BHMT: variants seen among roughly 807,000 people sequenced by gnomAD.
The protein encoded by BHMT is betaine--homocysteine S-methyltransferase.
Under a neutral mutation model 49.5 loss-of-function variants are expected in BHMT, and 38 were observed. That is an observed-to-expected ratio of 0.77 (90% confidence interval 0.59 to 1.01). The LOEUF is 1.01. BHMT is among the 50% of genes least tolerant of loss of function. The probability of loss-of-function intolerance (pLI) is 0.00; values close to 1 mark genes in which losing one functional copy is unlikely to be tolerated. For missense variants in BHMT, 426 were observed against 495.7 expected (o/e 0.86, Z 1.34); for synonymous variants, 166 against 176.3 (o/e 0.94, Z 0.46).
chr5:79,111,889 C>A lies in BHMT; in HGVS notation c.4C>A (p.Pro2Thr), dbSNP rs368937011. 2.8e-5 allele frequency: 45 copies of A among 1,611,760 alleles called. No homozygotes were observed. The highest frequency in any genetic ancestry group is 3.6e-5 in the Non-Finnish European group (43 of 1,179,008). M[P>T]PVGGKKAKKG... is the part of the protein sequence containing the mutation. ...CACCTGTCTGGACACCACGAAGATG[C>A]CACCCGTTGGGGGCAAAAAGGCCAA... Residue 2 changes from proline (P) to threonine (T), a missense_variant, in exon 1 of 8, where the codon CCA (proline) becomes ACA (threonine). Transcript: ENST00000274353.
intron 2 of BHMT, among the ~76,000 whole-genome samples, chr5:79,118,462 A>G (rs1010091783): frequency 6.6e-6 from 1 of 152,054 alleles, no homozygotes; most frequent in Admixed American, 6.5e-5. Flanking sequence ...ATGAGACTCC[A>G]TCTCAAAAAA....
intron 7 of BHMT, among the ~76,000 whole-genome samples, chr5:79,129,837 C>T (rs1291326369): frequency 2.6e-5 from 4 of 152,020 alleles, no homozygotes; most frequent in African/African-American, 4.8e-5. Context: ...GTACTCCTAT[C>T]CCAAATTTTC....
At chr5:79,129,518 T>A (rs1039303527) in intron 7 of BHMT, among the ~76,000 whole-genome samples, 10 of 152,298 alleles carry the variant, frequency 6.6e-5, no homozygotes, top group Admixed American at 5.9e-4. Context: ...TCTTTATTCA[T>A]GCTCAGGAGT....
chr5:79,122,374 C>T (rs1405617749), intron 5 of BHMT, among the ~76,000 whole-genome samples: 2 of 152,068 alleles, frequency 1.3e-5, no homozygotes, highest in Admixed American at 6.6e-5. Flanking sequence ...TTTTCATGGA[C>T]CAAACCTTGG....
In BHMT at chr5:79,131,402, T is replaced by G. The variant is rs951515003; in HGVS notation, c.*286T>G. The G allele has an allele frequency of 1.5e-5, 4 of 263,990 alleles. No homozygotes were observed. Among genetic ancestry groups the G allele is most frequent in the Non-Finnish European group, 2.9e-5 (4 of 140,160 alleles). The allele number at this position is 263,990 out of a possible 1,614,324, so 16.4% of individuals were successfully genotyped here. On this transcript the variant is annotated 3_prime_UTR_variant, in exon 8 of 8. Transcript: ENST00000274353. ...ATCACTGCTGCACAGGAAAAGTAAT[T>G]CAGATGTTAATGCCACTTGAAGAAG...
At chr5:79,114,268 T>C (rs1213384631) in intron 1 of BHMT, among the ~76,000 whole-genome samples, 1 of 152,148 alleles carries the variant, frequency 6.6e-6, no homozygotes, top group Non-Finnish European at 1.5e-5. Flanking sequence ...TGTTATCTTA[T>C]GGGCTCCCAT....
intron 1 of BHMT, 68 bp downstream of exon 1, chr5:79,111,986 G>T (rs1486042375): frequency 4.8e-6 from 7 of 1,466,964 alleles, no homozygotes; most frequent in Non-Finnish European, 6.4e-6. Flanking sequence ...CAGCCTCTGG[G>T]AGCGCAGAGG....
chr5:79,118,206 C>G (rs756232828), intron 2 of BHMT, among the ~76,000 whole-genome samples: 1 of 152,182 alleles, frequency 6.6e-6, no homozygotes, highest in African/African-American at 2.4e-5. Flanking sequence ...GGCCTCACGC[C>G]TGTAATCCTA....
chr5:79,115,661 T>TA, intron 1 of BHMT, 106 bp from the exon 2 acceptor site: 1 of 1,316,356 alleles, frequency 7.6e-7, no homozygotes, highest in South Asian at 1.8e-5. Flanking sequence ...CTGAAAATTC[T>TA]AAAATAACCA....
chr5:79,123,530 T>G (rs1404425950), intron 5 of BHMT, among the ~76,000 whole-genome samples: 1 of 85,640 alleles, frequency 1.2e-5, no homozygotes, highest in Non-Finnish European at 2.6e-5. Context: ...GTTGGTTGGT[T>G]GGTTGGTTGG....
chr5:79,131,998 G>A lies in BHMT; in HGVS notation c.*882G>A, dbSNP rs1756650005. The stretch of plus-strand genomic sequence containing the variant: ...TCTGGGCCATAAGGCTGAGCAGAGT[G>A]AGCTTGTATTAGTTGGTAGCTTTTA... On this transcript the variant is annotated 3_prime_UTR_variant, in exon 8 of 8. Transcript: ENST00000274353. 6.6e-6 allele frequency: 1 copy of A among 152,192 alleles called. No individual in the cohort carries two copies. Among genetic ancestry groups the A allele is most frequent in the South Asian group, 2.1e-4 (1 of 4,818 alleles). The allele number at this position is 152,192 out of a possible 1,614,324, so 9.4% of individuals were successfully genotyped here.
At chr5:79,123,411 ATCAC>A (rs1756501775) in intron 5 of BHMT, among the ~76,000 whole-genome samples, 1 of 152,224 alleles carries the variant, frequency 6.6e-6, no homozygotes, top group Admixed American at 6.5e-5. Flanking sequence ...GGGGTCACTC[ATCAC>A]TCATGCTGCA....
intron 7 of BHMT, among the ~76,000 whole-genome samples, chr5:79,128,626 CA>C (rs1756591830): frequency 6.6e-6 from 1 of 151,222 alleles, no homozygotes; most frequent in African/African-American, 2.4e-5. Context: ...GTGTGGTGCA[CA>C]ATACTCTTAA....
rs533400770 is a variant in BHMT, at chr5:79,131,224, C to T, written c.*108C>T. ...GTGCTTTCATGAATGCCATCCTACACATATTATTGCTATTACCTGAACAAA... is the reference window on the plus strand; with the variant it reads ...GTGCTTTCATGAATGCCATCCTACATATATTATTGCTATTACCTGAACAAA... On this transcript the variant is annotated 3_prime_UTR_variant, in exon 8 of 8. Transcript: ENST00000274353. The T allele has an allele frequency of 2.8e-5, 29 of 1,019,118 alleles. No homozygotes were observed. The South Asian group carries it at 5.0e-4, about 18-fold the overall frequency. 63.1% of individuals were successfully genotyped at this position (1,019,118 alleles called of 1,614,324 possible). A position where few individuals can be genotyped will look rare whatever the true frequency, so the allele number is the denominator to read the frequency against.
At chr5:79,121,841 C>T (rs1404752189) in intron 5 of BHMT, among the ~76,000 whole-genome samples, 1 of 147,292 alleles carries the variant, frequency 6.8e-6, no homozygotes, top group Non-Finnish European at 1.5e-5. Context: ...AAAAGAATAT[C>T]CTCAGTCTAT....
rs528766179 is a variant in BHMT at position 79,127,397 on chromosome 5, G to A, written c.809-358G>A. ...GCAGCTGGCTTTCCCCAGGGTGAGT[G>A]CTCCAAGAAAGTGCAAGGCAGAAAC... On this transcript the variant is annotated intron_variant, in intron 6 of 7. Coordinates refer to ENST00000274353, the MANE Select transcript of BHMT (RefSeq NM_001713.3). Among the ~76,000 whole-genome samples, 6 of 152,290 alleles carry A rather than the reference G, an allele frequency of 3.9e-5. No individual in the cohort carries two copies. In the South Asian group the frequency reaches 1.2e-3, roughly 32 times the overall value.
intron 1 of BHMT, among the ~76,000 whole-genome samples, chr5:79,112,807 G>C (rs1419595627): frequency 6.6e-6 from 1 of 152,174 alleles, no homozygotes; most frequent in African/African-American, 2.4e-5. Context: ...TTTGGGGAAC[G>C]GATGGATAGA....
At chr5:79,112,698 A>G (rs1349108263) in intron 1 of BHMT, among the ~76,000 whole-genome samples, 1 of 152,212 alleles carries the variant, frequency 6.6e-6, no homozygotes, top group Non-Finnish European at 1.5e-5. Flanking sequence ...GAAATTGTAA[A>G]ACCCAATTCC....
intron 6 of BHMT, among the ~76,000 whole-genome samples, chr5:79,126,949 A>C (rs1372321932): frequency 6.6e-6 from 1 of 152,198 alleles, no homozygotes; most frequent in Non-Finnish European, 1.5e-5. Flanking sequence ...TTTTATAGGG[A>C]CCCTTAGACA....
Sources: gnomAD v4.1 joint callset for allele counts (sites outside exome capture counted in the v4.1 genomes callset) on GRCh38, gnomAD v4.1.1 for gene constraint, MANE v1.5 for transcripts, NCBI Gene and HGNC (gene_info 2026-07-23, HGNC 2026-07-21) for gene names.